Variants in NISCH observed in about 807,000 individuals in gnomAD.
The protein encoded by NISCH is I-1 receptor candidate protein.
In NISCH, 55 loss-of-function variants were observed where a neutral mutation model predicts 138.4. That is an observed-to-expected ratio of 0.40 (90% CI 0.32 to 0.50). The LOEUF (loss-of-function observed/expected upper bound fraction) is 0.50. Ranked by LOEUF, NISCH falls within the 20% of genes least tolerant of loss-of-function variation. The pLI is 0.71. For synonymous variants in NISCH, 860 were observed against 861.5 expected (o/e 1.00, Z 0.03); for missense variants, 1,643 against 2,005.5 (o/e 0.82, Z 3.45).
At chr3:52,467,199 C>T (rs946696795) in intron 3 of NISCH, among the ~76,000 whole-genome samples, 10 of 152,024 alleles carry the variant, frequency 6.6e-5, no homozygotes, top group African/African-American at 2.4e-4. Context: ...CGGGGTTTCA[C>T]CATGTTGGCC....
At position 52,488,102 on chromosome 3, in the gene NISCH, G is replaced by T. The variant is rs752805920; in HGVS notation, c.2610G>T (p.Thr870=). 6.2e-7 allele frequency: 1 copy of T among 1,612,930 alleles called. No individual in the cohort carries two copies. The highest frequency in any genetic ancestry group is 1.1e-5 in the South Asian group (1 of 91,086). Residue 870 remains threonine, a synonymous_variant, in exon 16 of 21, where the codon ACG becomes ACT. Transcript: ENST00000345716. ...ACAGTGACAAGCGCATGGTGCAGAC[G>T]GCCGCCGGGGACTACTCAGGCAACA... is the stretch of plus-strand genomic sequence containing the variant. ...LVYSDKRMVQ[T]AAGDYSGNIE...
At chr3:52,480,679 C>T in intron 13 of NISCH, 1 of 1,422,838 alleles carries the variant, frequency 7.0e-7, no homozygotes, top group Non-Finnish European at 9.1e-7. Flanking sequence ...TGTGACTTTA[C>T]TGTCTGGAGC....
At position 52,488,302 on chromosome 3, in the gene NISCH, A is replaced by G; in HGVS notation, c.2810A>G (p.Asn937Ser). 2 of 1,611,332 alleles carry G rather than the reference A, an allele frequency of 1.2e-6. No homozygotes were observed. The highest frequency in any genetic ancestry group is 1.7e-6 in the Non-Finnish European group (2 of 1,179,984). The change falls in exon 16 of 21, where the codon AAC (asparagine) becomes AGC (serine). Residue 937 changes from asparagine (N) to serine (S), a missense_variant. Physicochemically the swap from Asn to Ser is conservative, Grantham distance 46. Transcript: ENST00000345716. ...MPNRGTHNCR[N>S]RNSFKLSRVP... The stretch of plus-strand genomic sequence containing the variant: ...AACCGTGGCACCCACAACTGTCGCA[A>G]CCGCAACAGCTTCAAGCTCAGCCGT...
Position 52,472,418 on chromosome 3 carries a change from A to C in NISCH, c.669+20A>C. On this transcript the variant is annotated intron_variant, in intron 6 of 20. Transcript: ENST00000345716. ...GTGGAGGTAAGGCCCAGCGCTGCAC[A>C]GCATCCTCTCGCTCCCAACTCAGAG... 6.3e-7 allele frequency: 1 copy of C among 1,593,718 alleles called. No homozygotes were observed. The highest frequency in any genetic ancestry group is 2.2e-5 in the East Asian group (1 of 44,814).
At chr3:52,490,618 G>A in intron 18 of NISCH, 87 bp from the exon 19 acceptor site, 1 of 1,575,896 alleles carries the variant, frequency 6.3e-7, no homozygotes, top group Non-Finnish European at 8.7e-7. Flanking sequence ...CAGCCAAGAG[G>A]ACCTGTTCCT....
At position 52,458,710 on chromosome 3, in the gene NISCH, A is replaced by G; in HGVS notation, c.226A>G (p.Ile76Val). The G allele has an allele frequency of 1.2e-6, 2 of 1,613,782 alleles. No individual in the cohort carries two copies. The highest frequency in any genetic ancestry group is 2.2e-5 in the South Asian group (2 of 91,066). The change falls in exon 3 of 21, where the codon ATA becomes GTA. Residue 76 changes from isoleucine (I) to valine (V), a missense_variant. Coordinates refer to ENST00000345716, the MANE Select transcript of NISCH (RefSeq NM_007184.4). ...IDKNLLPPKK[I>V]IGKNSRSLVE... The stretch of plus-strand genomic sequence containing the variant: ...TAAAAATCTGCTTCCGCCCAAAAAG[A>G]TAATTGGGAAAAACTCAAGAAGCTT...
intron 4 of NISCH, 91 bp from the exon 5 acceptor site, chr3:52,471,723 A>G (rs1706952488): frequency 1.4e-6 from 2 of 1,436,796 alleles, no homozygotes. Context: ...GTGCTTGCCA[A>G]CTGCTTGTTG....
intron 11 of NISCH, among the ~76,000 whole-genome samples, chr3:52,478,832 T>C (rs1367299461): frequency 1.3e-5 from 2 of 152,162 alleles, no homozygotes; most frequent in Non-Finnish European, 2.9e-5. Flanking sequence ...CCTTAAAATA[T>C]TCATATCTCC....
intron 3 of NISCH, 31 bp from the exon 4 acceptor site, chr3:52,470,828 T>A: frequency 6.2e-7 from 1 of 1,613,086 alleles, no homozygotes. Flanking sequence ...TCAGGTGGAC[T>A]TTCTAAGGGC....
chr3:52,478,511 C>T lies in NISCH; in HGVS notation c.1236C>T (p.Asn412=), dbSNP rs969332601. ...PCLEHVSLLN[N]PLSIIPDYRT... is the part of the protein sequence containing the mutation. ...TGGAGCACGTGTCTCTGCTGAACAACCCTCTGAGCATCATCCCCGACTACC... is the reference window on the plus strand; with the variant it reads ...TGGAGCACGTGTCTCTGCTGAACAATCCTCTGAGCATCATCCCCGACTACC... The change falls in exon 11 of 21, where the codon AAC becomes AAT. Residue 412 remains asparagine (N), a synonymous_variant. Transcript: ENST00000345716. The T allele has an allele frequency of 8.1e-6, 13 of 1,614,222 alleles. No homozygotes were observed. The highest frequency in any genetic ancestry group is 1.1e-5 in the Non-Finnish European group (13 of 1,180,040).
chr3:52,478,434 AC>A lies in NISCH; in HGVS notation c.1174-14del, dbSNP rs1208430699. The A allele has an allele frequency of 1.2e-6, 2 of 1,614,138 alleles. No homozygotes were observed. Among genetic ancestry groups the A allele is most frequent in the East Asian group, 4.5e-5 (2 of 44,880 alleles). The stretch of plus-strand genomic sequence containing the variant: ...AAGAGAAGGGACCAAAGGGGATGGA[AC>A]TCATACCTTGCAGATGGAGGAGGTC... On this transcript the variant is annotated splice_polypyrimidine_tract_variant and intron_variant, in intron 10 of 20. Transcript: ENST00000345716.
rs766706737 is a variant in NISCH, at chr3:52,478,291, A to G, written c.1173+9A>G. On this transcript the variant is annotated intron_variant, in intron 10 of 20. Coordinates refer to ENST00000345716, the MANE Select transcript of NISCH (RefSeq NM_007184.4). ...ACAACAGGATCGAACAGGTGAGCCC[A>G]AGGACCTCACAGTTTTGGGATTTCT... is the stretch of plus-strand genomic sequence containing the variant. The G allele has an allele frequency of 6.2e-7, 1 of 1,613,096 alleles. No individual in the cohort carries two copies.
chr3:52,474,432 G>A (rs1707042504), intron 7 of NISCH, among the ~76,000 whole-genome samples: 1 of 152,066 alleles, frequency 6.6e-6, no homozygotes, highest in South Asian at 2.1e-4. Context: ...AAGTAGCTGG[G>A]ACTACAGGTG....
intron 2 of NISCH, 145 bp from the exon 3 acceptor site, chr3:52,458,517 A>C: frequency 1.7e-6 from 1 of 597,196 alleles, no homozygotes; most frequent in Non-Finnish European, 3.0e-6. Context: ...TCCCAGGTGC[A>C]CTAGTTTGGT....
At position 52,492,433 on chromosome 3, in the gene NISCH, A is replaced by T; in HGVS notation, c.4466A>T (p.Gln1489Leu). The T allele has an allele frequency of 6.2e-7, 1 of 1,611,996 alleles. No homozygotes were observed. Among genetic ancestry groups the T allele is most frequent in the Non-Finnish European group, 8.5e-7 (1 of 1,179,730 alleles). ...REKLISLLAR[Q>L]WEALCGRELP... ...AAGCTCATCTCGCTGTTGGCTCGCC[A>T]GTGGGAGGCCCTGTGTGGCCGTGAG... is the stretch of plus-strand genomic sequence containing the variant. Residue 1489 changes from glutamine (Q) to leucine (L), a missense_variant, in exon 21 of 21, where the codon CAG (glutamine) becomes CTG (leucine). Transcript: ENST00000345716.
chr3:52,484,462 T>TGGGCCCCCCCCCCCCCCCCCCC, intron 13 of NISCH, 51 bp from the exon 14 acceptor site: 2 of 788,670 alleles, frequency 2.5e-6, no homozygotes, highest in South Asian at 2.1e-5. Context: ...ACAGCCGCTC[T>TGGGCCCCCCCCCCCCCCCCCCC]CCCCGCCCCA....
At chr3:52,456,810 A>G (rs1208296307) in intron 1 of NISCH, among the ~76,000 whole-genome samples, 2 of 152,234 alleles carry the variant, frequency 1.3e-5, no homozygotes, top group Admixed American at 6.5e-5. Context: ...CTTCAGCTCC[A>G]TGCTGCAGAG....
chr3:52,467,264 G>A (rs1199043459), intron 3 of NISCH, among the ~76,000 whole-genome samples: 1 of 152,114 alleles, frequency 6.6e-6, no homozygotes, highest in Non-Finnish European at 1.5e-5. Flanking sequence ...GCCTCCCAAA[G>A]GGCTGGGATG....
intron 14 of NISCH, among the ~76,000 whole-genome samples, chr3:52,485,015 GT>G: frequency 6.6e-6 from 1 of 152,190 alleles, no homozygotes; most frequent in Non-Finnish European, 1.5e-5. Context: ...GCTTGTTTGG[GT>G]TTCTTCTCTG....
Sources: allele counts gnomAD v4.1 joint callset (sites outside exome capture counted in the v4.1 genomes callset), GRCh38; gene constraint gnomAD v4.1.1; transcripts MANE v1.5; gene names NCBI Gene and HGNC (gene_info 2026-07-23, HGNC 2026-07-21).